ITGA8: variants seen among roughly 807,000 people sequenced by gnomAD.
ITGA8 encodes integrin alpha-8.
A neutral mutation model predicts 142.3 loss-of-function variants in ITGA8; 91 were observed. That is an observed-to-expected ratio of 0.64 (90% CI 0.54 to 0.76). The LOEUF (loss-of-function observed/expected upper bound fraction) is 0.76. Among genes scored for constraint, ITGA8 ranks in the 30% least tolerant of loss-of-function variants. The pLI is 0.00. For synonymous variants in ITGA8, 505 were observed against 485.2 expected (o/e 1.04, Z -0.54); for missense variants, 1,406 against 1,327.7 (o/e 1.06, Z -0.92).
chr10:15,683,801 CAGA>C (rs1834785570), intron 4 of ITGA8, among the ~76,000 whole-genome samples, 200 bp downstream of exon 4: 2 of 152,220 alleles, frequency 1.3e-5, no homozygotes, highest in Non-Finnish European at 2.9e-5. Context: ...TTCTAAAACA[CAGA>C]AGATCAGTAG....
Position 15,616,510 on chromosome 10 carries a change from A to G in ITGA8, c.1445+4T>C. ...AAAACATTTGAATACTACCAACCAC[A>G]TACCTGTAAACAGCGACTTTTCCTG... is the stretch of plus-strand genomic sequence containing the variant. On this transcript the variant is annotated splice_donor_region_variant and intron_variant, in intron 14 of 29. Transcript: ENST00000378076. 1 of 1,605,600 alleles carries G rather than the reference A, an allele frequency of 6.2e-7. No individual in the cohort carries two copies. Among genetic ancestry groups the G allele is most frequent in the Non-Finnish European group, 8.5e-7 (1 of 1,173,344 alleles).
intron 2 of ITGA8, among the ~76,000 whole-genome samples, chr10:15,712,413 C>A (rs902308452): frequency 1.3e-5 from 2 of 152,040 alleles, no homozygotes; most frequent in African/African-American, 4.8e-5. Context: ...GAAACCCTGT[C>A]TCTACTGAAA....
At chr10:15,711,779 A>G (rs1164424512) in intron 2 of ITGA8, among the ~76,000 whole-genome samples, 1 of 152,234 alleles carries the variant, frequency 6.6e-6, no homozygotes, top group African/African-American at 2.4e-5. Context: ...CCCCCAAAAA[A>G]AGAAAGAAAG....
At chr10:15,665,999 G>A (rs9664340) in intron 8 of ITGA8, among the ~76,000 whole-genome samples, 33,816 of 152,150 alleles carry the variant, frequency 0.22, 3,963 homozygotes, top group Admixed American at 0.32. Flanking sequence ...TGGCGAAGCC[G>A]GCTCTTTTTT....
At chr10:15,683,281 CCATCCAT>C (rs1834772583) in intron 4 of ITGA8, among the ~76,000 whole-genome samples, 1 of 97,854 alleles carries the variant, frequency 1.0e-5, no homozygotes, top group Non-Finnish European at 2.1e-5. Context: ...ATCCATCCAT[CCATCCAT>C]CCATCCACCC....
At chr10:15,583,098 A>AG (rs1456500728) in intron 23 of ITGA8, among the ~76,000 whole-genome samples, 1 of 152,246 alleles carries the variant, frequency 6.6e-6, no homozygotes, top group Non-Finnish European at 1.5e-5. Context: ...ATCATAGCAA[A>AG]GACTTGGAAC....
intron 28 of ITGA8, among the ~76,000 whole-genome samples, chr10:15,523,743 C>T (rs1241964836): frequency 1.5e-5 from 2 of 137,704 alleles, no homozygotes; most frequent in Non-Finnish European, 3.0e-5. Flanking sequence ...AACCCCATCT[C>T]TACTAAAAAT....
At chr10:15,645,259 A>G (rs1304662386) in intron 12 of ITGA8, among the ~76,000 whole-genome samples, 2 of 152,162 alleles carry the variant, frequency 1.3e-5, no homozygotes, top group African/African-American at 4.8e-5. Context: ...AGTGAATTTC[A>G]CATGATTTTA....
intron 27 of ITGA8, among the ~76,000 whole-genome samples, chr10:15,536,200 GCAAA>G (rs1477630271): frequency 6.6e-6 from 1 of 152,046 alleles, no homozygotes; most frequent in Non-Finnish European, 1.5e-5. Flanking sequence ...AGTAAGATAA[GCAAA>G]CAGCCTGTAA....
chr10:15,643,434 C>G (rs992655627), intron 13 of ITGA8, among the ~76,000 whole-genome samples: 2 of 152,134 alleles, frequency 1.3e-5, no homozygotes, highest in Non-Finnish European at 2.9e-5. Context: ...CATGCATCAC[C>G]ATGCCCAGCT....
intron 3 of ITGA8, 54 bp from the exon 4 acceptor site, chr10:15,684,181 A>G (rs2131703914): frequency 1.3e-6 from 2 of 1,566,606 alleles, no homozygotes; most frequent in South Asian, 2.4e-5. Flanking sequence ...TTCTCATACT[A>G]CAGTTTTATT....
chr10:15,616,675 A>C (rs1833398782), intron 13 of ITGA8, 116 bp from the exon 14 acceptor site: 1 of 816,356 alleles, frequency 1.2e-6, no homozygotes, highest in African/African-American at 1.7e-5. Flanking sequence ...CGAGAGCCAC[A>C]AAATTAGAAG....
chr10:15,680,216 CTTTTTTTTTTTTTT>C (rs71374638), intron 4 of ITGA8, among the ~76,000 whole-genome samples: 3 of 54,230 alleles, frequency 5.5e-5, no homozygotes, highest in African/African-American at 8.3e-5. Context: ...CCAGATGCTC[CTTTTTTTTTTTTTT>C]TTTTTTTTTT....
intron 13 of ITGA8, among the ~76,000 whole-genome samples, chr10:15,640,304 C>T (rs572123886): frequency 2.6e-5 from 4 of 152,274 alleles, no homozygotes; most frequent in Non-Finnish European, 4.4e-5. Context: ...TCCCAGATTC[C>T]GTAGCTCAGA....
At chr10:15,521,494 G>A (rs1211038473) in intron 28 of ITGA8, among the ~76,000 whole-genome samples, 2 of 152,106 alleles carry the variant, frequency 1.3e-5, no homozygotes, top group African/African-American at 4.8e-5. Flanking sequence ...CACTAATAAA[G>A]GCATGGACAG....
Position 15,644,109 on chromosome 10 carries a change from C to T in ITGA8, c.1320G>A (p.Val440=). The T allele has an allele frequency of 6.2e-7, 1 of 1,614,166 alleles. No individual in the cohort carries two copies. The change falls in exon 13 of 30, where the codon GTG becomes GTA. Residue 440 remains valine (V), a synonymous_variant. Transcript: ENST00000378076. ...CGGAAGGGACAGCATGTGAGGCCCA[C>T]ACTCCTTGCAGAACTTGGGAAGGCT... The part of the protein sequence containing the change: ...NTKPSQVLQG[V]WASHAVPSGF...
chr10:15,688,705 A>G (rs1187486445), intron 2 of ITGA8, among the ~76,000 whole-genome samples: 1 of 152,218 alleles, frequency 6.6e-6, no homozygotes, highest in Non-Finnish European at 1.5e-5. Flanking sequence ...ATAGCAAATC[A>G]ATACACGTGC....
At chr10:15,669,570 G>A (rs10904613) in intron 8 of ITGA8, among the ~76,000 whole-genome samples, 88,164 of 152,014 alleles carry the variant, frequency 0.58, 26,622 homozygotes, top group South Asian at 0.75. Flanking sequence ...GAGAGGCTGC[G>A]TTCCTTTGGA....
intron 21 of ITGA8, among the ~76,000 whole-genome samples, chr10:15,594,311 T>A (rs79907989): frequency 0.013 from 1,984 of 152,248 alleles, 18 homozygotes; most frequent in Non-Finnish European, 0.022. Context: ...TTCTATGGGC[T>A]GGGCCAGGCA....
Sources: gnomAD v4.1 joint callset for allele counts (sites outside exome capture counted in the v4.1 genomes callset) on GRCh38, gnomAD v4.1.1 for gene constraint, MANE v1.5 for transcripts, NCBI Gene and HGNC (gene_info 2026-07-23, HGNC 2026-07-21) for gene names.